The following C8orf34 variants were observed in gnomAD, a reference collection of about 807,000 sequenced individuals.
C8orf34 encodes chromosome 8 open reading frame 34, also known as uncharacterized protein C8orf34.
In C8orf34, 65 loss-of-function variants were observed where a neutral mutation model predicts 68.3. The ratio of observed to expected loss-of-function variants is 0.95; its 90% CI spans 0.78 to 1.17. The LOEUF (loss-of-function observed/expected upper bound fraction) is 1.17, where lower values mean the gene tolerates loss of function less well. C8orf34 is among the 50% of genes most tolerant of loss of function. The pLI, the probability that C8orf34 is intolerant of heterozygous loss-of-function variation, is 0.00. For synonymous variants in C8orf34, 244 were observed against 241.2 expected (o/e 1.01, Z -0.11); for missense variants, 664 against 655.4 (o/e 1.01, Z -0.14).
chr8:68,806,261 C>T (rs976805622), intron 12 of C8orf34, among the ~76,000 whole-genome samples: 1 of 151,856 alleles, frequency 6.6e-6, no homozygotes, highest in Non-Finnish European at 1.5e-5. Flanking sequence ...CTGTTTGTCA[C>T]TATTCCTTTT....
At chr8:68,374,694 CA>C (rs1807715218) in intron 1 of C8orf34, among the ~76,000 whole-genome samples, 1 of 151,812 alleles carries the variant, frequency 6.6e-6, no homozygotes, top group Non-Finnish European at 1.5e-5. Flanking sequence ...CATTTCCTTT[CA>C]AAAAATAAAA....
chr8:68,424,184 A>T (rs1810108205), intron 1 of C8orf34, among the ~76,000 whole-genome samples: 1 of 152,156 alleles, frequency 6.6e-6, no homozygotes, highest in South Asian at 2.1e-4. Context: ...AGTGATTCCA[A>T]CAGCAGATAT....
intron 12 of C8orf34, among the ~76,000 whole-genome samples, chr8:68,789,272 C>T (rs753205615): frequency 5.3e-5 from 8 of 152,146 alleles, no homozygotes; most frequent in Non-Finnish European, 8.8e-5. Context: ...ACAAGAGGTG[C>T]CCAAAGTGGG....
At chr8:68,506,780 T>C (rs946987714) in intron 5 of C8orf34, among the ~76,000 whole-genome samples, 9 of 152,250 alleles carry the variant, frequency 5.9e-5, no homozygotes, top group African/African-American at 2.2e-4. Flanking sequence ...CTGTTTTTTC[T>C]TTTCTTCTAG....
At chr8:68,553,997 AAC>A (rs548310284) in intron 7 of C8orf34, among the ~76,000 whole-genome samples, 13 of 152,170 alleles carry the variant, frequency 8.5e-5, no homozygotes, top group Non-Finnish European at 1.3e-4. Flanking sequence ...TATAATTAAT[AAC>A]ACATCATATT....
intron 8 of C8orf34, among the ~76,000 whole-genome samples, chr8:68,641,727 G>T (rs904362129): frequency 6.6e-6 from 1 of 152,154 alleles, no homozygotes; most frequent in Non-Finnish European, 1.5e-5. Context: ...TTTCAAAACA[G>T]AAAGTTTATA....
chr8:68,491,419 A>G (rs1006972251), intron 5 of C8orf34, among the ~76,000 whole-genome samples: 8 of 152,180 alleles, frequency 5.3e-5, no homozygotes, highest in Non-Finnish European at 1.2e-4. Context: ...CCTGAGCTAA[A>G]CAAAGTCAAG....
chr8:68,802,743 C>A (rs2057352420), intron 12 of C8orf34, among the ~76,000 whole-genome samples: 1 of 152,076 alleles, frequency 6.6e-6, no homozygotes, highest in African/African-American at 2.4e-5. Flanking sequence ...AGCAATCTGC[C>A]TCTTTAGGAG....
rs181672686 is a variant in C8orf34 at position 68,613,399 on chromosome 8, C to T, written c.1106-26977C>T. 2.8e-3 allele frequency among the ~76,000 whole-genome samples: 427 copies of T among 151,894 alleles called. 1 individual carries two copies. The highest frequency in any genetic ancestry group is 8.4e-3 in the African/African-American group (347 of 41,358). The stretch of plus-strand genomic sequence containing the variant: ...TGCTGGTGTGTTGCACCAATTAACT[C>T]GTCATTTAGCATTAGGTATATCTCC... On this transcript the variant is annotated intron_variant, in intron 7 of 13. Coordinates refer to ENST00000518698, the MANE Select transcript of C8orf34 (RefSeq NM_052958.4).
chr8:68,549,446 G>C (rs1187395161), intron 7 of C8orf34, among the ~76,000 whole-genome samples: 4 of 151,596 alleles, frequency 2.6e-5, no homozygotes, highest in African/African-American at 7.3e-5. Context: ...GGATTGACTT[G>C]ATATTAGCAT....
chr8:68,482,943 A>G (rs1020043169), intron 4 of C8orf34, among the ~76,000 whole-genome samples: 5 of 151,718 alleles, frequency 3.3e-5, no homozygotes, highest in African/African-American at 1.2e-4. Flanking sequence ...AAAACAAGAA[A>G]GAATTGGGGA....
At chr8:68,336,237 A>G (rs1352968553) in intron 1 of C8orf34, among the ~76,000 whole-genome samples, 1 of 151,996 alleles carries the variant, frequency 6.6e-6, no homozygotes, top group African/African-American at 2.4e-5. Flanking sequence ...ATACAAAGAG[A>G]ACAGCTAAGA....
chr8:68,417,386 C>G (rs950465414), intron 1 of C8orf34, among the ~76,000 whole-genome samples: 2 of 151,878 alleles, frequency 1.3e-5, no homozygotes, highest in Non-Finnish European at 2.9e-5. Flanking sequence ...CTGATAGACA[C>G]TAATTTTAGT....
chr8:68,736,373 A>G (rs1822122327), intron 10 of C8orf34, among the ~76,000 whole-genome samples: 1 of 152,114 alleles, frequency 6.6e-6, no homozygotes, highest in South Asian at 2.1e-4. Context: ...AAAGATGTGA[A>G]ATGAAGCACA....
chr8:68,525,956 C>CTTT (rs10692707), intron 6 of C8orf34: 11,356 of 177,782 alleles, frequency 0.064, 492 homozygotes, highest in Middle Eastern at 0.099. Flanking sequence ...TTCTTTCTTT[C>CTTT]TTTTTTTTTT....
At position 68,617,428 on chromosome 8, in the gene C8orf34, G is replaced by T. The variant is rs1464016846; in HGVS notation, c.1106-22948G>T. On this transcript the variant is annotated intron_variant, in intron 7 of 13. Coordinates refer to ENST00000518698, the MANE Select transcript of C8orf34 (RefSeq NM_052958.4). ...GATTTTGCAGTGGCTGGTACTGGTT[G>T]TTCCTTTCCATATTTAGTGCTTCCT... 2.6e-5 allele frequency among the ~76,000 whole-genome samples: 4 copies of T among 152,310 alleles called. No homozygotes were observed. The East Asian group carries it at 5.8e-4, about 22-fold the overall frequency.
intron 7 of C8orf34, among the ~76,000 whole-genome samples, chr8:68,640,155 C>A (rs1232508088): frequency 6.6e-6 from 1 of 152,212 alleles, no homozygotes; most frequent in Non-Finnish European, 1.5e-5. Flanking sequence ...TATATTCAGT[C>A]TGTCACCGTT....
At chr8:68,411,934 G>T (rs749646731) in intron 1 of C8orf34, among the ~76,000 whole-genome samples, 1 of 152,158 alleles carries the variant, frequency 6.6e-6, no homozygotes, top group Non-Finnish European at 1.5e-5. Flanking sequence ...GAAGCCTTTG[G>T]GAGGTGATTA....
intron 2 of C8orf34, among the ~76,000 whole-genome samples, chr8:68,440,274 G>A (rs973834708): frequency 2.0e-5 from 3 of 152,152 alleles, no homozygotes; most frequent in African/African-American, 7.2e-5. Flanking sequence ...ATCCCCTCAT[G>A]CCCATTGCTT....
Sources: gnomAD v4.1 joint callset for allele counts (sites outside exome capture counted in the v4.1 genomes callset) on GRCh38, gnomAD v4.1.1 for gene constraint, MANE v1.5 for transcripts, NCBI Gene and HGNC (gene_info 2026-07-23, HGNC 2026-07-21) for gene names.